CACNG3: variants seen among roughly 807,000 people sequenced by gnomAD.
CACNG3 encodes voltage-dependent calcium channel gamma-3 subunit.
Under a neutral mutation model 28.5 loss-of-function variants are expected in CACNG3, and 3 were observed. The ratio of observed to expected loss-of-function variants is 0.11; its 90% CI spans 0.05 to 0.27. The LOEUF is 0.27. CACNG3 is among the 10% of genes least tolerant of loss of function. The probability of loss-of-function intolerance (pLI) is 1.00; values close to 1 mark genes in which losing one functional copy is unlikely to be tolerated. For missense variants in CACNG3, 236 were observed against 414.4 expected (o/e 0.57, Z 3.74); for synonymous variants, 174 against 162.2 (o/e 1.07, Z -0.55).
chr16:24,288,736 A>G (rs1484537837), intron 1 of CACNG3, among the ~76,000 whole-genome samples: 3 of 152,126 alleles, frequency 2.0e-5, no homozygotes, highest in Admixed American at 2.0e-4. Context: ...AGTGTGAGTG[A>G]TTCTATTTTC....
intron 1 of CACNG3, among the ~76,000 whole-genome samples, chr16:24,333,174 C>T (rs1899654545): frequency 6.6e-6 from 1 of 152,206 alleles, no homozygotes; most frequent in Non-Finnish European, 1.5e-5. Context: ...GACTACCACG[C>T]AATTTTATCA....
At chr16:24,314,786 C>G (rs962423964) in intron 1 of CACNG3, among the ~76,000 whole-genome samples, 2 of 151,514 alleles carry the variant, frequency 1.3e-5, no homozygotes, top group Non-Finnish European at 2.9e-5. Flanking sequence ...TCCACCTACT[C>G]TCCTTCATTT....
At chr16:24,295,972 T>C (rs1038175379) in intron 1 of CACNG3, among the ~76,000 whole-genome samples, 6 of 152,154 alleles carry the variant, frequency 3.9e-5, no homozygotes, top group African/African-American at 1.4e-4. Context: ...TAATAGGCAA[T>C]AGACCAGGAT....
chr16:24,284,774 G>T (rs988179783), intron 1 of CACNG3, among the ~76,000 whole-genome samples: 5 of 152,130 alleles, frequency 3.3e-5, no homozygotes, highest in African/African-American at 1.2e-4. Flanking sequence ...ATGCTTTAAT[G>T]TGAAGAGGTC....
chr16:24,315,554 TTC>T (rs1284708570), intron 1 of CACNG3, among the ~76,000 whole-genome samples: 1 of 151,386 alleles, frequency 6.6e-6, no homozygotes, highest in Non-Finnish European at 1.5e-5. Flanking sequence ...TTTTCTTTTC[TTC>T]TTTCTTTCTT....
chr16:24,360,465 G>C (rs1046804289), intron 3 of CACNG3, among the ~76,000 whole-genome samples: 1 of 152,102 alleles, frequency 6.6e-6, no homozygotes. Context: ...CCCAAGTCCT[G>C]GTGCCCTGGT....
At chr16:24,272,660 A>G (rs1226447304) in intron 1 of CACNG3, among the ~76,000 whole-genome samples, 2 of 152,052 alleles carry the variant, frequency 1.3e-5, no homozygotes. Flanking sequence ...CATGCACGTT[A>G]TTTTACATTA....
At chr16:24,328,964 C>T (rs1461649495) in intron 1 of CACNG3, among the ~76,000 whole-genome samples, 1 of 152,150 alleles carries the variant, frequency 6.6e-6, no homozygotes, top group Non-Finnish European at 1.5e-5. Flanking sequence ...CAGCCCCCGC[C>T]ACACCCCCAT....
At chr16:24,262,780 T>C (rs1272428939) in intron 1 of CACNG3, among the ~76,000 whole-genome samples, 1 of 152,258 alleles carries the variant, frequency 6.6e-6, no homozygotes, top group Admixed American at 6.5e-5. Context: ...GGATTCCACC[T>C]ACCTTAGGAA....
chr16:24,290,164 CCAT>C (rs1436636014), intron 1 of CACNG3, among the ~76,000 whole-genome samples: 1 of 152,126 alleles, frequency 6.6e-6, no homozygotes, highest in Non-Finnish European at 1.5e-5. Context: ...GGATTTATAC[CCAT>C]CTTTTATTTA....
intron 1 of CACNG3, among the ~76,000 whole-genome samples, chr16:24,260,887 A>G (rs1401513770): frequency 2.0e-5 from 3 of 152,218 alleles, no homozygotes; most frequent in Non-Finnish European, 2.9e-5. Flanking sequence ...CGTGTTATCA[A>G]TAGTGGCCTG....
intron 1 of CACNG3, among the ~76,000 whole-genome samples, chr16:24,331,681 ATG>A (rs1356680208): frequency 2.6e-4 from 40 of 152,286 alleles, no homozygotes; most frequent in African/African-American, 7.7e-4. Flanking sequence ...AAGCTCGGTG[ATG>A]TGTGCCTGCT....
intron 1 of CACNG3, among the ~76,000 whole-genome samples, chr16:24,267,616 TAACA>T (rs1898631196): frequency 6.6e-6 from 1 of 151,952 alleles, no homozygotes; most frequent in Non-Finnish European, 1.5e-5. Context: ...AGCTAATACT[TAACA>T]AACACCTTCT....
chr16:24,317,626 GACAGACAGAAAGAAAGAAAA>G (rs1355683703), intron 1 of CACNG3, among the ~76,000 whole-genome samples: 21 of 46,294 alleles, frequency 4.5e-4, no homozygotes, highest in South Asian at 7.1e-4. Context: ...AAGAAAGAAA[GACAGACAGAAAGAAAGAAAA>G]GAAAAGAAAG....
chr16:24,263,117 C>G (rs1567205928), intron 1 of CACNG3, among the ~76,000 whole-genome samples: 1 of 152,104 alleles, frequency 6.6e-6, no homozygotes, highest in Admixed American at 6.5e-5. Context: ...TTGTAGAAAA[C>G]TGAGAAAATG....
At position 24,323,219 on chromosome 16, in the gene CACNG3, C is replaced by CAAAAAA. The variant is rs761999416; in HGVS notation, c.212-23499_212-23494dup. The stretch of plus-strand genomic sequence containing the variant: ...TCAGCCTGGGCCACAGAGCAGGACT[C>CAAAAAA]AAAAAAAAAAAAAAAAAAAAAGAGA... On this transcript the variant is annotated intron_variant, in intron 1 of 3. Transcript: ENST00000005284. Among the ~76,000 whole-genome samples the CAAAAAA allele has an allele frequency of 1.3e-4, 9 of 66,766 alleles. No individual in the cohort carries two copies. In the East Asian group the frequency reaches 2.0e-3, roughly 15 times the overall value. 43.8% of individuals were successfully genotyped at this position (66,766 alleles called of 152,430 possible).
At chr16:24,265,376 AAG>A (rs1898589456) in intron 1 of CACNG3, among the ~76,000 whole-genome samples, 1 of 150,344 alleles carries the variant, frequency 6.7e-6, no homozygotes, top group South Asian at 2.1e-4. Context: ...AGAAAAAAGA[AAG>A]AAAGAAAAGA....
chr16:24,281,632 A>AG (rs1898828612), intron 1 of CACNG3, among the ~76,000 whole-genome samples: 1 of 152,206 alleles, frequency 6.6e-6, no homozygotes, highest in East Asian at 1.9e-4. Flanking sequence ...CTGCAGACAA[A>AG]GGGTCCCCGA....
At chr16:24,305,729 G>C (rs1899177362) in intron 1 of CACNG3, among the ~76,000 whole-genome samples, 1 of 152,092 alleles carries the variant, frequency 6.6e-6, no homozygotes. Flanking sequence ...GGGTTGATAG[G>C]TGTAGCAAAC....
Sources: gnomAD v4.1 joint callset for allele counts (sites outside exome capture counted in the v4.1 genomes callset) on GRCh38, gnomAD v4.1.1 for gene constraint, MANE v1.5 for transcripts, NCBI Gene and HGNC (gene_info 2026-07-23, HGNC 2026-07-21) for gene names.